Variants in ASCC3 observed in about 807,000 individuals in gnomAD.
ASCC3 encodes the protein activating signal cointegrator 1 complex subunit 3.
A neutral mutation model predicts 256.3 loss-of-function variants in ASCC3; 158 were observed. The observed-to-expected ratio is 0.62, with a 90% CI of 0.54 to 0.70. The LOEUF (loss-of-function observed/expected upper bound fraction) is 0.70. Ranked by LOEUF, ASCC3 falls within the 30% of genes least tolerant of loss-of-function variation. ASCC3 has a pLI of 0.00. For synonymous variants in ASCC3, 948 were observed against 883.4 expected (o/e 1.07, Z -1.30); for missense variants, 2,259 against 2,626.0 (o/e 0.86, Z 3.05).
At chr6:100,573,470 T>G (rs1484937581) in intron 36 of ASCC3, among the ~76,000 whole-genome samples, 1 of 152,158 alleles carries the variant, frequency 6.6e-6, no homozygotes, top group African/African-American at 2.4e-5. Context: ...GAAGCCAATT[T>G]CTAGCATATG....
intron 1 of ASCC3, among the ~76,000 whole-genome samples, chr6:100,875,857 G>GA (rs140499187): frequency 0.14 from 21,665 of 151,804 alleles, 1,894 homozygotes; most frequent in Non-Finnish European, 0.2. Flanking sequence ...AGAAAATAGG[G>GA]AAAAAACAAA....
At chr6:100,673,969 T>C (rs1330771051) in intron 14 of ASCC3, among the ~76,000 whole-genome samples, 2 of 152,312 alleles carry the variant, frequency 1.3e-5, no homozygotes, top group East Asian at 1.9e-4. Flanking sequence ...TTGCTGCCTA[T>C]TGAAATTTAA....
intron 10 of ASCC3, among the ~76,000 whole-genome samples, chr6:100,765,870 C>A (rs550417828): frequency 1.8e-4 from 27 of 152,296 alleles, no homozygotes; most frequent in Non-Finnish European, 2.8e-4. Flanking sequence ...TTAAAAAGTT[C>A]TATTATCTAT....
intron 4 of ASCC3, among the ~76,000 whole-genome samples, chr6:100,818,314 A>T (rs1352424748): frequency 6.6e-6 from 1 of 152,114 alleles, no homozygotes; most frequent in Non-Finnish European, 1.5e-5. Context: ...CATGCTTGTA[A>T]TCCCAGCACT....
chr6:100,510,739 A>T (rs1773718672), intron 40 of ASCC3, among the ~76,000 whole-genome samples: 1 of 152,200 alleles, frequency 6.6e-6, no homozygotes, highest in Admixed American at 6.5e-5. Flanking sequence ...CCACAATCCA[A>T]AATTAGATAT....
At chr6:100,718,713 C>T (rs1779193986) in intron 11 of ASCC3, among the ~76,000 whole-genome samples, 1 of 151,860 alleles carries the variant, frequency 6.6e-6, no homozygotes, top group South Asian at 2.1e-4. Flanking sequence ...GCTCCAACAT[C>T]GGTGACAGAG....
rs1431973080 is a variant in ASCC3, at chr6:100,647,319, G to T, written c.3385C>A (p.Gln1129Lys). The T allele has an allele frequency of 6.2e-7, 1 of 1,613,716 alleles. No homozygotes were observed. Among genetic ancestry groups the T allele is most frequent in the Non-Finnish European group, 8.5e-7 (1 of 1,179,940 alleles). ...ATGTGTGGTGGTAGGATTGAAAATT[G>T]TCTCAAAGGGCTAGCCCAACCCCAA... Reference protein sequence around the residue: ...RLWGWASPLRQFSILPPHILT... With the variant: ...RLWGWASPLRKFSILPPHILT... Residue 1129 changes from glutamine (Q) to lysine (K), a missense_variant, in exon 21 of 42, where the codon CAA becomes AAA. By Grantham distance (53) the Gln-to-Lys change is moderately conservative. Transcript: ENST00000369162.
rs551815013 is a variant in ASCC3 at position 100,647,929 on chromosome 6, A to G, written c.3253-478T>C. On this transcript the variant is annotated intron_variant, in intron 20 of 41. Coordinates refer to ENST00000369162, the MANE Select transcript of ASCC3 (RefSeq NM_006828.4). ...GAAATACTGATTAGTGTAGCTACTC[A>G]TATGAAAGGGCCATACAAATGGCTT... is the stretch of plus-strand genomic sequence containing the variant. Among the ~76,000 whole-genome samples the G allele has an allele frequency of 3.9e-5, 6 of 152,306 alleles. No individual in the cohort carries two copies. The East Asian group carries it at 9.6e-4, about 24-fold the overall frequency.
chr6:100,856,637 T>A (rs1772956149), intron 3 of ASCC3: 3 of 161,580 alleles, frequency 1.9e-5, no homozygotes, highest in Non-Finnish European at 2.6e-5. Flanking sequence ...TCCTAGTCAC[T>A]ACCTCCTTCC....
chr6:100,605,008 G>A (rs963692667), intron 33 of ASCC3, among the ~76,000 whole-genome samples: 1 of 152,058 alleles, frequency 6.6e-6, no homozygotes, highest in Non-Finnish European at 1.5e-5. Context: ...TGGTTACTGG[G>A]TCCCAAAAGA....
intron 3 of ASCC3, chr6:100,858,986 T>C: frequency 1.5e-6 from 1 of 681,128 alleles, no homozygotes; most frequent in Non-Finnish European, 2.7e-6. Context: ...ACATTCTCCA[T>C]TAAAGCCATC....
At chr6:100,786,785 G>A (rs1194358733) in intron 8 of ASCC3, among the ~76,000 whole-genome samples, 1 of 151,992 alleles carries the variant, frequency 6.6e-6, no homozygotes, top group Non-Finnish European at 1.5e-5. Context: ...AATAATTTTA[G>A]GCTACAACAC....
chr6:100,700,863 G>C (rs1299813288), intron 13 of ASCC3, among the ~76,000 whole-genome samples: 1 of 152,190 alleles, frequency 6.6e-6, no homozygotes, highest in East Asian at 1.9e-4. Context: ...CAAGCCCATA[G>C]GCAGACGGGA....
At chr6:100,858,215 A>C (rs1773052739) in intron 3 of ASCC3, 1 of 468,070 alleles carries the variant, frequency 2.1e-6, no homozygotes, top group Non-Finnish European at 2.8e-6. Flanking sequence ...AGTAAGTAGA[A>C]ATAAAATTGA....
chr6:100,761,337 G>A lies in ASCC3; in HGVS notation c.1737+5228C>T, dbSNP rs996601764. 9.2e-5 allele frequency among the ~76,000 whole-genome samples: 14 copies of A among 152,066 alleles called. No homozygotes were observed. The South Asian group carries it at 2.5e-3, about 27-fold the overall frequency. ...ATACCTCATTGCTACAAAAAATAAC[G>A]ATTACCGGGATGTGGTGGCATGCGC... On this transcript the variant is annotated intron_variant, in intron 10 of 41. Transcript: ENST00000369162.
At chr6:100,602,579 C>T (rs1750929212) in intron 33 of ASCC3, among the ~76,000 whole-genome samples, 1 of 151,856 alleles carries the variant, frequency 6.6e-6, no homozygotes, top group African/African-American at 2.4e-5. Flanking sequence ...GGACATGGAG[C>T]AAGTATAGAA....
chr6:100,834,615 A>C (rs1771787340), intron 4 of ASCC3, among the ~76,000 whole-genome samples: 1 of 152,228 alleles, frequency 6.6e-6, no homozygotes, highest in African/African-American at 2.4e-5. Context: ...ATAAGCATAG[A>C]AGAGACAGAT....
At chr6:100,519,616 T>C (rs1030909055) in intron 37 of ASCC3, among the ~76,000 whole-genome samples, 3 of 152,128 alleles carry the variant, frequency 2.0e-5, no homozygotes, top group Non-Finnish European at 4.4e-5. Context: ...TGCGTAATTA[T>C]ACCTAATGCA....
intron 13 of ASCC3, among the ~76,000 whole-genome samples, chr6:100,681,683 C>T (rs914375455): frequency 2.0e-4 from 25 of 127,056 alleles, no homozygotes; most frequent in African/African-American, 4.5e-4. Context: ...GCCGGGATTA[C>T]GCCACTGCAC....
Sources: allele counts gnomAD v4.1 joint callset (sites outside exome capture counted in the v4.1 genomes callset), GRCh38; gene constraint gnomAD v4.1.1; transcripts MANE v1.5; gene names NCBI Gene and HGNC (gene_info 2026-07-23, HGNC 2026-07-21).